The following ALG9 variants were observed in gnomAD, a reference collection of about 807,000 sequenced individuals.
The protein encoded by ALG9 is alpha-1,2-mannosyltransferase ALG9.
ALG9 carries 55 observed loss-of-function variants against 81.8 expected under a neutral mutation model. That is an observed-to-expected ratio of 0.67 (90% CI 0.54 to 0.84). ALG9 has a LOEUF of 0.84. Among genes scored for constraint, ALG9 ranks in the 40% least tolerant of loss-of-function variants. The pLI, the probability that ALG9 is intolerant of heterozygous loss-of-function variation, is 0.00. For missense variants in ALG9, 629 were observed against 745.0 expected (o/e 0.84, Z 1.81); for synonymous variants, 278 against 274.3 (o/e 1.01, Z -0.13).
chr11:111,853,951 G>T (rs1958243716), intron 6 of ALG9, among the ~76,000 whole-genome samples: 1 of 152,124 alleles, frequency 6.6e-6, no homozygotes, highest in East Asian at 1.9e-4. Context: ...CTGCTGGAAT[G>T]AATTCCATTT....
chr11:111,861,732 C>G (rs1306380451), intron 4 of ALG9, among the ~76,000 whole-genome samples: 1 of 152,146 alleles, frequency 6.6e-6, no homozygotes, highest in African/African-American at 2.4e-5. Flanking sequence ...GATCCTCCTG[C>G]CTAAGTCTCC....
At chr11:111,777,714 T>A (rs1466156261), downstream of ALG9, among the ~76,000 whole-genome samples, 1 of 152,106 alleles carries the variant, frequency 6.6e-6, no homozygotes, top group Non-Finnish European at 1.5e-5. Context: ...TTCATACATG[T>A]AGCACTGAAA....
rs571065852 is a variant in ALG9, at chr11:111,865,649, G to A, written c.406-398C>T. 2.0e-5 allele frequency among the ~76,000 whole-genome samples: 3 copies of A among 152,198 alleles called. No individual in the cohort carries two copies. The South Asian group carries it at 6.2e-4, about 32-fold the overall frequency. On this transcript the variant is annotated intron_variant, in intron 3 of 14. Coordinates refer to ENST00000616540, the MANE Select transcript of ALG9 (RefSeq NM_024740.2). ...TTGCAATATAATGCTCATTCAACAA[G>A]CAATTCTTCAACAACCATAATATAT...
intron 3 of ALG9, among the ~76,000 whole-genome samples, chr11:111,866,605 T>C (rs981159865): frequency 2.0e-5 from 3 of 152,082 alleles, no homozygotes; most frequent in East Asian, 1.9e-4. Context: ...AAATCTTGCT[T>C]TCCATTTCAC....
intron 8 of ALG9, 37 bp from the exon 9 acceptor site, chr11:111,844,760 T>C: frequency 6.2e-7 from 1 of 1,608,498 alleles, no homozygotes; most frequent in South Asian, 1.1e-5. Context: ...CATTAGTGGA[T>C]GCCTTTAACA....
At chr11:111,806,992 T>G (rs1275142813) in intron 14 of ALG9, among the ~76,000 whole-genome samples, 1 of 152,114 alleles carries the variant, frequency 6.6e-6, no homozygotes, top group African/African-American at 2.4e-5. Context: ...CTCTATATCC[T>G]CAGCATAACC....
intron 14 of ALG9, among the ~76,000 whole-genome samples, chr11:111,788,167 T>C (rs560915788): frequency 5.1e-4 from 77 of 152,308 alleles, no homozygotes; most frequent in African/African-American, 1.7e-3. Flanking sequence ...AACTTGTAAA[T>C]GTCATGTCAA....
chr11:111,815,019 T>A (rs1319269357), intron 13 of ALG9, among the ~76,000 whole-genome samples: 1 of 152,170 alleles, frequency 6.6e-6, no homozygotes, highest in African/African-American at 2.4e-5. Flanking sequence ...TCAACGTGGC[T>A]TTTTCTGGCC....
At chr11:111,853,135 A>C (rs1325864102) in intron 8 of ALG9, among the ~76,000 whole-genome samples, 1 of 152,132 alleles carries the variant, frequency 6.6e-6, no homozygotes, top group Non-Finnish European at 1.5e-5. Context: ...CAAAACTCTG[A>C]AAGTGAAAAT....
intron 13 of ALG9, among the ~76,000 whole-genome samples, chr11:111,810,408 G>A (rs782454331): frequency 1.2e-4 from 18 of 151,992 alleles, no homozygotes; most frequent in Non-Finnish European, 2.1e-4. Context: ...CTGATAACAT[G>A]GATACATCAG....
chr11:111,819,559 T>C (rs1199374856), intron 13 of ALG9, among the ~76,000 whole-genome samples: 2 of 152,232 alleles, frequency 1.3e-5, no homozygotes, highest in Non-Finnish European at 2.9e-5. Context: ...CTGAAAAAAC[T>C]GTTTAGACAG....
intron 13 of ALG9, among the ~76,000 whole-genome samples, chr11:111,827,998 G>A (rs558977000): frequency 9.9e-5 from 15 of 151,884 alleles, no homozygotes; most frequent in Admixed American, 4.6e-4. Context: ...GACCAGTCTG[G>A]CTAACATGGT....
chr11:111,769,552 G>A, the ALG9 span: 2 of 152,294 alleles, frequency 1.3e-5, no homozygotes, highest in African/African-American at 4.8e-5. Context: ...CTGGGAGGTT[G>A]AGGCTGCAGT....
At chr11:111,866,587 A>G (rs1555153233) in intron 3 of ALG9, among the ~76,000 whole-genome samples, 1 of 152,000 alleles carries the variant, frequency 6.6e-6, no homozygotes, top group Admixed American at 6.6e-5. Flanking sequence ...AGAACAAGAG[A>G]AGAAGAGAAA....
intron 10 of ALG9, among the ~76,000 whole-genome samples, chr11:111,839,863 T>C (rs1222297083): frequency 6.6e-6 from 1 of 152,192 alleles, no homozygotes; most frequent in Non-Finnish European, 1.5e-5. Flanking sequence ...ATATCATATG[T>C]TTCCATGTAT....
chr11:111,849,434 T>C (rs1466201906), intron 8 of ALG9: 3 of 152,198 alleles, frequency 2.0e-5, no homozygotes, highest in Non-Finnish European at 2.9e-5. Context: ...ACATGAGAAA[T>C]AGCACTAAGA....
chr11:111,851,580 TA>T (rs1957842278), intron 8 of ALG9, among the ~76,000 whole-genome samples: 2 of 152,046 alleles, frequency 1.3e-5, no homozygotes, highest in South Asian at 2.1e-4. Flanking sequence ...TATAAAGAGT[TA>T]GAGTATCAGT....
chr11:111,809,805 T>C lies in ALG9; in HGVS notation c.1603-32A>G, dbSNP rs782784977. The C allele has an allele frequency of 1.9e-6, 3 of 1,612,990 alleles. No individual in the cohort carries two copies. In the East Asian group the frequency reaches 6.7e-5, roughly 36 times the overall value. The stretch of plus-strand genomic sequence containing the variant: ...TGGAGAAAGGCCAACTCTTCATTAG[T>C]AATTTTGAAGGTCCCTTCAGGGTAG... On this transcript the variant is annotated intron_variant, in intron 13 of 14. Transcript: ENST00000616540.
At chr11:111,831,102 G>A (rs1229209624) in intron 13 of ALG9, among the ~76,000 whole-genome samples, 1 of 151,998 alleles carries the variant, frequency 6.6e-6, no homozygotes, top group Non-Finnish European at 1.5e-5. Flanking sequence ...GTGCAGTGGC[G>A]CCATCTCGGC....
Sources: gnomAD v4.1 joint callset for allele counts (sites outside exome capture counted in the v4.1 genomes callset) on GRCh38, gnomAD v4.1.1 for gene constraint, MANE v1.5 for transcripts, NCBI Gene and HGNC (gene_info 2026-07-23, HGNC 2026-07-21) for gene names.